Variants in BAP1 observed in about 807,000 individuals in gnomAD.
The protein encoded by BAP1 is BRCA1 associated deubiquitinase 1.
A neutral mutation model predicts 77.2 loss-of-function variants in BAP1; 16 were observed. The ratio of observed to expected loss-of-function variants is 0.21; its 90% CI spans 0.14 to 0.31. BAP1 has a LOEUF of 0.31. Among genes scored for constraint, BAP1 ranks in the 10% least tolerant of loss-of-function variants. The pLI, the probability that BAP1 is intolerant of heterozygous loss-of-function variation, is 1.00. For synonymous variants in BAP1, 362 were observed against 385.2 expected (o/e 0.94, Z 0.71); for missense variants, 699 against 967.3 (o/e 0.72, Z 3.68).
chr3:52,405,651 G>A, intron 10 of BAP1, 114 bp downstream of exon 10: 2 of 1,498,016 alleles, frequency 1.3e-6, no homozygotes, highest in South Asian at 1.2e-5. Flanking sequence ...TCTGACGGGG[G>A]AAGAACACTG....
Position 52,403,249 on chromosome 3 carries a change from C to A in BAP1, c.1779G>T (p.Gln593His). ...CCTTCTCCACTGGGCTGCTGGACCC[C>A]TGGCTGCCTTGGATTGGTCTGATGG... ...SPSIRPIQGS[Q>H]GSSSPVEKEV... The change falls in exon 14 of 17, where the codon CAG (glutamine) becomes CAT (histidine). Residue 593 changes from glutamine (Q) to histidine (H), a missense_variant. Physicochemically the swap from Gln to His is conservative, Grantham distance 24. This residue lies in a region of BAP1 where 475 missense variants were observed against 532.4 expected (regional missense o/e 0.89). Transcript: ENST00000460680. The surrounding 1 kb of genome is among the most constrained non-coding windows in gnomAD (Gnocchi z 4.0). The A allele has an allele frequency of 6.2e-7, 1 of 1,614,188 alleles. No homozygotes were observed. Among genetic ancestry groups the A allele is most frequent in the Non-Finnish European group, 8.5e-7 (1 of 1,180,046 alleles).
intron 3 of BAP1, among the ~76,000 whole-genome samples, chr3:52,408,957 G>A (rs1705258643): frequency 6.6e-6 from 1 of 152,232 alleles, no homozygotes; most frequent in Admixed American, 6.5e-5. Context: ...CAAAAACTCT[G>A]ATGAGGAACT....
At position 52,404,568 on chromosome 3, in the gene BAP1, C is replaced by A. The variant is rs1250631265; in HGVS notation, c.1135G>T (p.Ala379Ser). The A allele has an allele frequency of 6.2e-7, 1 of 1,613,744 alleles. No homozygotes were observed. Among genetic ancestry groups the A allele is most frequent in the South Asian group, 1.1e-5 (1 of 91,008 alleles). Residue 379 changes from alanine to serine, a missense_variant, in exon 12 of 17, where the codon GCA becomes TCA. This residue lies in a region of BAP1 where 475 missense variants were observed against 532.4 expected (regional missense o/e 0.89). Coordinates refer to ENST00000460680, the MANE Select transcript of BAP1 (RefSeq NM_004656.4). The stretch of plus-strand genomic sequence containing the variant: ...GGAACTCGGCTGCGGCCCACACCTG[C>A]CGCCAGGTCTTCTTCCTCCTGGGAC... ...SPMQEEEDLA[A>S]GVGRSRVPVR... is the part of the protein sequence containing the mutation.
Position 52,402,356 on chromosome 3 carries a change from G to T in BAP1, c.2122C>A (p.Arg708=). Residue 708 remains arginine, a synonymous_variant, in exon 17 of 17, where the codon CGG becomes AGG. Transcript: ENST00000460680. The surrounding 1 kb of genome is among the most constrained non-coding windows in gnomAD (Gnocchi z 5.3). ...VRRRQGVSIG[R]LHKQRKPDRR... ...TCAGGCTTCCGCTGCTTGTGGAGCC[G>T]GCCGATGCTGACCCCTTGGCGCCGC... The T allele has an allele frequency of 6.3e-7, 1 of 1,582,152 alleles. No individual in the cohort carries two copies. The highest frequency in any genetic ancestry group is 8.6e-7 in the Non-Finnish European group (1 of 1,165,434).
Position 52,406,823 on chromosome 3 carries a change from C to T in BAP1, c.659+6G>A, listed in dbSNP as rs1423185138. On this transcript the variant is annotated splice_donor_region_variant and intron_variant, in intron 8 of 16. Coordinates refer to ENST00000460680, the MANE Select transcript of BAP1 (RefSeq NM_004656.4). The surrounding 1 kb of genome is among the most constrained non-coding windows in gnomAD (Gnocchi z 4.6). ...GAGTAGAACAGGGCAGGCACAGGGC[C>T]CTTACCCTGCAGTGGCGAGGCCGAT... 1.3e-6 allele frequency: 2 copies of T among 1,554,876 alleles called. No homozygotes were observed. The highest frequency in any genetic ancestry group is 1.2e-5 in the South Asian group (1 of 84,304).
rs371640811 is a variant in BAP1, at chr3:52,401,849, G to A, written c.*439C>T. On this transcript the variant is annotated 3_prime_UTR_variant, in exon 17 of 17. Coordinates refer to ENST00000460680, the MANE Select transcript of BAP1 (RefSeq NM_004656.4). Reference sequence around the variant, plus strand: ...CAGCTAGGACCCTGTAGTTGGGACCGTGGCATGATACAAGGACCTGGGCCC... The same window carrying A: ...CAGCTAGGACCCTGTAGTTGGGACCATGGCATGATACAAGGACCTGGGCCC... 11 of 293,394 alleles carry A rather than the reference G, an allele frequency of 3.7e-5. No homozygotes were observed. Among genetic ancestry groups the A allele is most frequent in the Non-Finnish European group, 5.9e-5 (9 of 153,570 alleles). 18.2% of individuals were successfully genotyped at this position (293,394 alleles called of 1,614,324 possible). A position where few individuals can be genotyped will look rare whatever the true frequency, so the allele number is the denominator to read the frequency against.
Position 52,404,856 on chromosome 3 carries a change from A to C in BAP1, c.1116+254T>G, listed in dbSNP as rs545879955. ...AAACCCAACCCATGAAGTTGTACCA[A>C]GGAGCGTGACCTAAACATTTAATCC... On this transcript the variant is annotated intron_variant, in intron 11 of 16. Transcript: ENST00000460680. 5.9e-4 allele frequency among the ~76,000 whole-genome samples: 90 copies of C among 152,336 alleles called. No homozygotes were observed. The highest frequency in any genetic ancestry group is 1.7e-3 in the South Asian group (8 of 4,828).
chr3:52,408,489 C>A lies in BAP1; in HGVS notation c.240G>T (p.Met80Ile), dbSNP rs755878197. 18 of 1,611,870 alleles carry A rather than the reference C, an allele frequency of 1.1e-5. No individual in the cohort carries two copies. The South Asian group carries it at 1.8e-4, about 16-fold the overall frequency. Reference sequence around the variant, plus strand: ...TCCAGCAGACCTGGTGGGCAAAGAACATGTTATTCACAATATCATCATCAA... The same window carrying A: ...TCCAGCAGACCTGGTGGGCAAAGAAAATGTTATTCACAATATCATCATCAA... ...SVIDDDIVNN[M>I]FFAHQLIPNS... The change falls in exon 4 of 17, where the codon ATG becomes ATT. Residue 80 changes from methionine to isoleucine, a missense_variant. Coordinates refer to ENST00000460680, the MANE Select transcript of BAP1 (RefSeq NM_004656.4).
In BAP1 at chr3:52,402,533, G is replaced by A. The variant is rs2153226138; in HGVS notation, c.2056+69C>T. On this transcript the variant is annotated intron_variant, in intron 16 of 16. Coordinates refer to ENST00000460680, the MANE Select transcript of BAP1 (RefSeq NM_004656.4). The surrounding 1 kb of genome is among the most constrained non-coding windows in gnomAD (Gnocchi z 5.3). ...TCTGCTCAAGCCTCAGGAGAGGCCA[G>A]GGGAGGGGAGCTGAAGGACACGGCC... 6.2e-7 allele frequency: 1 copy of A among 1,612,274 alleles called. No homozygotes were observed. Among genetic ancestry groups the A allele is most frequent in the Non-Finnish European group, 8.5e-7 (1 of 1,178,672 alleles).
At position 52,405,314 on chromosome 3, in the gene BAP1, C is replaced by G. The variant is rs368720650; in HGVS notation, c.932-20G>C. 2.6e-5 allele frequency: 42 copies of G among 1,612,742 alleles called. No individual in the cohort carries two copies. Among genetic ancestry groups the G allele is most frequent in the Non-Finnish European group, 3.3e-5 (39 of 1,179,976 alleles). ...CACCATCTGAGACAGGGCAAGAACA[C>G]AGGCAGGACCTCCAGTAGGATCTCC... On this transcript the variant is annotated intron_variant, in intron 10 of 16. Transcript: ENST00000460680.
chr3:52,402,231 G>T lies in BAP1; in HGVS notation c.*57C>A. 6.3e-7 allele frequency: 1 copy of T among 1,579,490 alleles called. No individual in the cohort carries two copies. Reference sequence around the variant, plus strand: ...GGAAAAGGGGAAGTGGGGCAGGGAAGGACCCTGGTGAGGGCCACACGGCAA... The same window carrying T: ...GGAAAAGGGGAAGTGGGGCAGGGAATGACCCTGGTGAGGGCCACACGGCAA... On this transcript the variant is annotated 3_prime_UTR_variant, in exon 17 of 17. Coordinates refer to ENST00000460680, the MANE Select transcript of BAP1 (RefSeq NM_004656.4). This position sits in a 1 kb window ranked among gnomAD's most constrained non-coding sequence, Gnocchi z 5.3.
rs774730309 is a variant in BAP1 at position 52,406,251 on chromosome 3, A to G, written c.783+2T>C. On this transcript the variant is annotated splice_donor_variant, in intron 9 of 16. Transcript: ENST00000460680. LOFTEE classifies it high-confidence loss of function. The surrounding 1 kb of genome is among the most constrained non-coding windows in gnomAD (Gnocchi z 4.6). ...CAGAGGCCAGGAAGAAAGGGCACCT[A>G]CCTGCTGCAGAGCCTCTAGTACTGT... The G allele has an allele frequency of 5.0e-6, 8 of 1,614,034 alleles. No individual in the cohort carries two copies. Among genetic ancestry groups the G allele is most frequent in the Non-Finnish European group, 5.9e-6 (7 of 1,180,038 alleles).
Position 52,402,542 on chromosome 3 carries a change from A to G in BAP1, c.2056+60T>C, listed in dbSNP as rs1578218542. Reference sequence around the variant, plus strand: ...GCCTCAGGAGAGGCCAGGGGAGGGGAGCTGAAGGACACGGCCCTCAGCAGG... The same window carrying G: ...GCCTCAGGAGAGGCCAGGGGAGGGGGGCTGAAGGACACGGCCCTCAGCAGG... On this transcript the variant is annotated intron_variant, in intron 16 of 16. Coordinates refer to ENST00000460680, the MANE Select transcript of BAP1 (RefSeq NM_004656.4). This position sits in a 1 kb window ranked among gnomAD's most constrained non-coding sequence, Gnocchi z 5.3. The G allele has an allele frequency of 6.2e-7, 1 of 1,611,644 alleles. No individual in the cohort carries two copies. The highest frequency in any genetic ancestry group is 8.5e-7 in the Non-Finnish European group (1 of 1,178,074).
chr3:52,404,138 C>G (rs887257832), intron 12 of BAP1, among the ~76,000 whole-genome samples: 2 of 152,234 alleles, frequency 1.3e-5, no homozygotes, highest in African/African-American at 4.8e-5. Context: ...TGCCAATGCC[C>G]TGTGTTCCAG....
At position 52,406,139 on chromosome 3, in the gene BAP1, G is replaced by A; in HGVS notation, c.783+114C>T. 2 of 1,575,928 alleles carry A rather than the reference G, an allele frequency of 1.3e-6. No homozygotes were observed. Among genetic ancestry groups the A allele is most frequent in the Middle Eastern group, 1.7e-4 (1 of 5,996 alleles). ...CAAAGAAAAGATGTGGTTAGCTGAA[G>A]CCCAGATCTACAAGAGAGTATGTTC... On this transcript the variant is annotated intron_variant, in intron 9 of 16. Coordinates refer to ENST00000460680, the MANE Select transcript of BAP1 (RefSeq NM_004656.4). The surrounding 1 kb of genome is among the most constrained non-coding windows in gnomAD (Gnocchi z 4.6).
At position 52,405,483 on chromosome 3, in the gene BAP1, A is replaced by C. The variant is rs979713881; in HGVS notation, c.932-189T>G. On this transcript the variant is annotated intron_variant, in intron 10 of 16. Coordinates refer to ENST00000460680, the MANE Select transcript of BAP1 (RefSeq NM_004656.4). Reference sequence around the variant, plus strand: ...GGCAAAGAATGAGATGGGAAAAAAGAAGCAGGAAGAAAAAAAAAAAAAAAA... The same window carrying C: ...GGCAAAGAATGAGATGGGAAAAAAGCAGCAGGAAGAAAAAAAAAAAAAAAA... 25 of 511,148 alleles carry C rather than the reference A, an allele frequency of 4.9e-5. No homozygotes were observed. In the East Asian group the frequency reaches 6.5e-4, roughly 13 times the overall value. 31.7% of individuals were successfully genotyped at this position (511,148 alleles called of 1,614,324 possible). A position where few individuals can be genotyped will look rare whatever the true frequency, so the allele number is the denominator to read the frequency against.
chr3:52,402,145 G>T lies in BAP1; in HGVS notation c.*143C>A. On this transcript the variant is annotated 3_prime_UTR_variant, in exon 17 of 17. Coordinates refer to ENST00000460680, the MANE Select transcript of BAP1 (RefSeq NM_004656.4). This position sits in a 1 kb window ranked among gnomAD's most constrained non-coding sequence, Gnocchi z 5.3. ...CCTCAGGGCACGATGGAAGGAATGT[G>T]GCCTGGTTCCTCCCATTCCCAGGGC... is the stretch of plus-strand genomic sequence containing the variant. 2 of 1,368,782 alleles carry T rather than the reference G, an allele frequency of 1.5e-6. No homozygotes were observed. Among genetic ancestry groups the T allele is most frequent in the Non-Finnish European group, 2.0e-6 (2 of 1,009,452 alleles). The allele number at this position is 1,368,782 out of a possible 1,614,324, so 84.8% of individuals were successfully genotyped here. A position where few individuals can be genotyped will look rare whatever the true frequency, so the allele number is the denominator to read the frequency against.
rs2153227296 is a variant in BAP1 at position 52,405,922 on chromosome 3, G to C, written c.784-10C>G. The C allele has an allele frequency of 6.2e-7, 1 of 1,613,992 alleles. No individual in the cohort carries two copies. Among genetic ancestry groups the C allele is most frequent in the Non-Finnish European group, 8.5e-7 (1 of 1,180,038 alleles). ...GTGTTACTCTTATCAGCTAACAACA[G>C]AATCCAGGGCTCAGAGGAGAAAGGG... is the stretch of plus-strand genomic sequence containing the variant. On this transcript the variant is annotated splice_polypyrimidine_tract_variant and intron_variant, in intron 9 of 16. Transcript: ENST00000460680.
In BAP1 at chr3:52,406,005, C is replaced by T. The variant is rs1440692879; in HGVS notation, c.784-93G>A. On this transcript the variant is annotated intron_variant, in intron 9 of 16. Coordinates refer to ENST00000460680, the MANE Select transcript of BAP1 (RefSeq NM_004656.4). This position sits in a 1 kb window ranked among gnomAD's most constrained non-coding sequence, Gnocchi z 4.6. ...GCTGAGGACCTAAAGGAATAATGGC[C>T]TTGGCTCTACCCATTCACTCACAGG... The T allele has an allele frequency of 6.4e-7, 1 of 1,574,782 alleles. No individual in the cohort carries two copies. Among genetic ancestry groups the T allele is most frequent in the Non-Finnish European group, 8.6e-7 (1 of 1,156,656 alleles).
Sources: gnomAD v4.1 joint callset for allele counts (sites outside exome capture counted in the v4.1 genomes callset) on GRCh38, gnomAD v4.1.1 for gene constraint, gnomAD v4.1.1 regional missense constraint, Gnocchi (gnomAD v3.1) non-coding constraint, MANE v1.5 for transcripts, NCBI Gene and HGNC (gene_info 2026-07-23, HGNC 2026-07-21) for gene names.